Variants in NLRP2 observed in about 807,000 individuals in gnomAD.
NLRP2 encodes the protein NACHT, LRR and PYD domains-containing protein 2.
In NLRP2, 107 loss-of-function variants were observed where a neutral mutation model predicts 97.2. That is an observed-to-expected ratio of 1.10 (90% CI 0.94 to 1.29). The LOEUF (loss-of-function observed/expected upper bound fraction) is 1.29, where lower values mean the gene tolerates loss of function less well. Ranked by LOEUF, NLRP2 falls within the 50% of genes most tolerant of loss-of-function variation. The pLI is 0.00. For synonymous variants in NLRP2, 663 were observed against 551.5 expected (o/e 1.20, Z -2.83); for missense variants, 1,495 against 1,330.3 (o/e 1.12, Z -1.93).
intron 1 of NLRP2, among the ~76,000 whole-genome samples, chr19:54,968,821 C>T (rs1363058186): frequency 2.0e-5 from 3 of 151,398 alleles, no homozygotes; most frequent in East Asian, 1.9e-4. Flanking sequence ...CCTGCCTCAG[C>T]CTCCCAAGTA....
At chr19:54,988,695 T>C (rs1388677905) in intron 8 of NLRP2, among the ~76,000 whole-genome samples, 1 of 152,140 alleles carries the variant, frequency 6.6e-6, no homozygotes, top group Non-Finnish European at 1.5e-5. Context: ...AATTCTTGTA[T>C]TTTTAGGAGA....
At position 54,983,461 on chromosome 19, in the gene NLRP2, G is replaced by A. The variant is rs1276162560; in HGVS notation, c.1763G>A (p.Cys588Tyr). 1 of 1,614,240 alleles carries A rather than the reference G, an allele frequency of 6.2e-7. No homozygotes were observed. The highest frequency in any genetic ancestry group is 8.5e-7 in the Non-Finnish European group (1 of 1,180,046). The change falls in exon 6 of 13, where the codon TGC becomes TAC. Residue 588 changes from cysteine (C) to tyrosine (Y), a missense_variant. Cys to Tyr is a radical substitution (Grantham distance 194). Transcript: ENST00000448584. Reference protein sequence around the residue: ...SPDIKQELLRCDISCKGGHST... With the variant: ...SPDIKQELLRYDISCKGGHST... ...GACATCAAACAGGAATTGCTGCGAT[G>A]CGACATAAGTTGTAAGGGTGGACAT...
At chr19:54,997,293 G>T in intron 11 of NLRP2, 24 bp from the exon 12 acceptor site, 6 of 1,612,302 alleles carry the variant, frequency 3.7e-6, no homozygotes, top group South Asian at 2.2e-5. Context: ...CTGCATTAAC[G>T]TGTTGATTTC....
intron 9 of NLRP2, 81 bp from the exon 10 acceptor site, chr19:54,990,421 G>A (rs1334168739): frequency 1.4e-6 from 2 of 1,440,560 alleles, no homozygotes; most frequent in African/African-American, 1.4e-5. Context: ...AGGGGCTTTT[G>A]GATGCTGGCA....
At chr19:54,974,686 C>T (rs755376269) in intron 3 of NLRP2, 142 bp downstream of exon 3, 88 of 693,990 alleles carry the variant, frequency 1.3e-4, no homozygotes, top group Admixed American at 5.0e-4. Context: ...GAGCTGGTCT[C>T]GCAGGTGCGT....
chr19:54,973,172 C>G (rs923970377), intron 2 of NLRP2, among the ~76,000 whole-genome samples: 7 of 149,888 alleles, frequency 4.7e-5, no homozygotes, highest in Non-Finnish European at 7.4e-5. Context: ...GCCTGGGTGA[C>G]AGCAAGACTC....
chr19:54,979,274 C>T (rs1024871141), intron 4 of NLRP2, among the ~76,000 whole-genome samples: 4 of 152,018 alleles, frequency 2.6e-5, no homozygotes, highest in Non-Finnish European at 4.4e-5. Flanking sequence ...TGTGAACCAC[C>T]GCACCTAGCC....
At chr19:54,975,171 G>C (rs1176713458) in intron 3 of NLRP2, among the ~76,000 whole-genome samples, 1 of 123,100 alleles carries the variant, frequency 8.1e-6, no homozygotes, top group Non-Finnish European at 1.6e-5. Context: ...TGTCACTTAG[G>C]CTGGAGTGGT....
At chr19:54,995,764 G>C (rs898471040) in intron 11 of NLRP2, among the ~76,000 whole-genome samples, 6 of 151,990 alleles carry the variant, frequency 3.9e-5, no homozygotes, top group African/African-American at 1.4e-4. Flanking sequence ...GACTCGGGAT[G>C]GGCAAGGTGG....
At chr19:54,988,593 G>T (rs574711377) in intron 8 of NLRP2, among the ~76,000 whole-genome samples, 2 of 151,898 alleles carry the variant, frequency 1.3e-5, no homozygotes. Flanking sequence ...GGGTTTCACC[G>T]TGTTGGCTGG....
chr19:54,997,557 G>C, intron 12 of NLRP2, 70 bp downstream of exon 12: 1 of 1,502,626 alleles, frequency 6.7e-7, no homozygotes, highest in Non-Finnish European at 9.3e-7. Flanking sequence ...TAATGACATG[G>C]ACCTGCTGTA....
In NLRP2 at chr19:54,990,349, C is replaced by T. The variant is rs922213406; in HGVS notation, c.2538-153C>T. ...CCGATGGCCTGTGAATTTTGTTCTT[C>T]TCTCATTCCTATTCCTTCATAGGAT... On this transcript the variant is annotated intron_variant, in intron 9 of 12. Coordinates refer to ENST00000448584, the MANE Select transcript of NLRP2 (RefSeq NM_017852.5). The T allele has an allele frequency of 6.2e-6, 7 of 1,122,724 alleles. No homozygotes were observed. The East Asian group carries it at 1.5e-4, about 23-fold the overall frequency. The allele number at this position is 1,122,724 out of a possible 1,614,324, so 69.5% of individuals were successfully genotyped here. A position where few individuals can be genotyped will look rare whatever the true frequency, so the allele number is the denominator to read the frequency against.
At chr19:54,990,885 G>A (rs1302871728) in intron 10 of NLRP2, 2 of 600,040 alleles carry the variant, frequency 3.3e-6, no homozygotes, top group Non-Finnish European at 3.0e-6. Flanking sequence ...TTTGGGGAAT[G>A]TAGCTGGTTT....
At chr19:54,968,830 T>C (rs1428251240) in intron 1 of NLRP2, among the ~76,000 whole-genome samples, 1 of 151,502 alleles carries the variant, frequency 6.6e-6, no homozygotes, top group Non-Finnish European at 1.5e-5. Context: ...GCCTCCCAAG[T>C]AGCTGGAACT....
intron 6 of NLRP2, among the ~76,000 whole-genome samples, chr19:54,984,175 C>T (rs1602377220): frequency 6.6e-6 from 1 of 151,730 alleles, no homozygotes; most frequent in Non-Finnish European, 1.5e-5. Context: ...AAGACAGGGT[C>T]TTGCTGTGTT....
At chr19:54,972,582 C>G (rs1324639214) in intron 2 of NLRP2, among the ~76,000 whole-genome samples, 1 of 151,890 alleles carries the variant, frequency 6.6e-6, no homozygotes, top group African/African-American at 2.4e-5. Context: ...TTGAGCAATC[C>G]TACCACTATG....
At chr19:54,966,825 CTTTTTTTTTTTTTTT>C (rs1044701142) in intron 1 of NLRP2, among the ~76,000 whole-genome samples, 4 of 74,996 alleles carry the variant, frequency 5.3e-5, no homozygotes, top group Non-Finnish European at 9.6e-5. Context: ...CGCGCCCAGC[CTTTTTTTTTTTTTTT>C]TTTTTTTTTT....
intron 11 of NLRP2, among the ~76,000 whole-genome samples, chr19:54,995,022 G>C (rs892938403): frequency 5.3e-5 from 8 of 151,504 alleles, no homozygotes; most frequent in African/African-American, 1.7e-4. Context: ...ATTCAGAGAG[G>C]TGGGAATTGG....
rs1301265304 is a variant in NLRP2 at position 54,992,777 on chromosome 19, T to A, written c.2709-1492T>A. Among the ~76,000 whole-genome samples the A allele has an allele frequency of 2.6e-5, 4 of 151,866 alleles. 1 individual carries two copies. The highest frequency in any genetic ancestry group is 2.6e-4 in the Admixed American group (4 of 15,208). ...TTTCACCATGTTGGTCAAGCTGGTC[T>A]CGAATTCCTGACCTCAGGTGATCCA... On this transcript the variant is annotated intron_variant, in intron 10 of 12. Transcript: ENST00000448584.
Sources: gnomAD v4.1 joint callset for allele counts (sites outside exome capture counted in the v4.1 genomes callset) on GRCh38, gnomAD v4.1.1 for gene constraint, MANE v1.5 for transcripts, NCBI Gene and HGNC (gene_info 2026-07-23, HGNC 2026-07-21) for gene names.